Variants in PLCL1 observed in about 807,000 individuals in gnomAD.
PLCL1 encodes inactive phospholipase C-like protein 1.
A neutral mutation model predicts 84.4 loss-of-function variants in PLCL1; 41 were observed. The ratio of observed to expected loss-of-function variants is 0.49; its 90% CI spans 0.38 to 0.63. The LOEUF (loss-of-function observed/expected upper bound fraction) is 0.63, where lower values mean the gene tolerates loss of function less well. PLCL1 is among the 30% of genes least tolerant of loss of function. The pLI is 0.00. For missense variants in PLCL1, 1,206 were observed against 1,367.8 expected (o/e 0.88, Z 1.87); for synonymous variants, 490 against 488.3 (o/e 1.00, Z -0.05).
chr2:198,049,138 G>A (rs1344620579), intron 1 of PLCL1, among the ~76,000 whole-genome samples: 1 of 152,174 alleles, frequency 6.6e-6, no homozygotes, highest in Non-Finnish European at 1.5e-5. Flanking sequence ...ATGAATCATA[G>A]GGAGACCAAG....
At chr2:198,108,593 A>G (rs943765612) in intron 5 of PLCL1, among the ~76,000 whole-genome samples, 2 of 151,890 alleles carry the variant, frequency 1.3e-5, no homozygotes, top group South Asian at 4.1e-4. Flanking sequence ...CATTTATCTG[A>G]TATTAAAAGC....
chr2:197,866,047 ATATATACACACACACACACAC>A lies in PLCL1; in HGVS notation c.240+60715_240+60735del, dbSNP rs1293529787. On this transcript the variant is annotated intron_variant, in intron 1 of 5. Coordinates refer to ENST00000428675, the MANE Select transcript of PLCL1 (RefSeq NM_006226.4). ...AAAAAAAAAAAAAAAATATATATAT[ATATATACACACACACACACAC>A]TATATATATATATATATATAAACTA... 5.8e-4 allele frequency among the ~76,000 whole-genome samples: 61 copies of A among 106,054 alleles called. 12 individuals are homozygous for A. The highest frequency in any genetic ancestry group is 7.6e-4 in the Non-Finnish European group (42 of 55,308). The allele number at this position is 106,054 out of a possible 152,430, so 69.6% of individuals were successfully genotyped here.
At chr2:197,956,469 A>T (rs1689496061) in intron 1 of PLCL1, among the ~76,000 whole-genome samples, 1 of 152,076 alleles carries the variant, frequency 6.6e-6, no homozygotes, top group African/African-American at 2.4e-5. Context: ...TGGTATTTCT[A>T]GTTCTAGATC....
At chr2:198,078,209 A>G (rs1023166707) in intron 1 of PLCL1, among the ~76,000 whole-genome samples, 1 of 152,202 alleles carries the variant, frequency 6.6e-6, no homozygotes, top group African/African-American at 2.4e-5. Flanking sequence ...CAAACTCTGT[A>G]ATGTGCTAGA....
chr2:197,992,043 ATT>A (rs112631242), intron 1 of PLCL1, among the ~76,000 whole-genome samples: 4,052 of 142,092 alleles, frequency 0.029, 191 homozygotes, highest in African/African-American at 0.097. Context: ...CTCAGCATTC[ATT>A]TTTTTTTTTT....
intron 1 of PLCL1, among the ~76,000 whole-genome samples, chr2:197,919,431 C>A (rs1688664534): frequency 6.6e-6 from 1 of 152,154 alleles, no homozygotes; most frequent in East Asian, 1.9e-4. Context: ...TTTAACATAA[C>A]TAAAAAAATC....
At chr2:198,080,808 T>C (rs927257762) in intron 1 of PLCL1, among the ~76,000 whole-genome samples, 2 of 152,226 alleles carry the variant, frequency 1.3e-5, no homozygotes, top group African/African-American at 4.8e-5. Flanking sequence ...AAGAATCATG[T>C]CTTTTTACTG....
rs913980273 is a variant in PLCL1, at chr2:198,043,740, G to A, written c.241-40018G>A. ...ATTGTCCAGAGAACAGGTTTGGTTG[G>A]GGGAGGTGGCAGAGAAGGGGATGGT... On this transcript the variant is annotated intron_variant, in intron 1 of 5. Coordinates refer to ENST00000428675, the MANE Select transcript of PLCL1 (RefSeq NM_006226.4). Among the ~76,000 whole-genome samples the A allele has an allele frequency of 2.6e-5, 4 of 152,088 alleles. No homozygotes were observed. In the East Asian group the frequency reaches 7.7e-4, roughly 29 times the overall value.
chr2:198,041,353 C>A (rs929164994), intron 1 of PLCL1, among the ~76,000 whole-genome samples: 3 of 151,962 alleles, frequency 2.0e-5, no homozygotes, highest in African/African-American at 7.3e-5. Context: ...ATATTTTGAC[C>A]GAAATAAGTA....
intron 1 of PLCL1, among the ~76,000 whole-genome samples, chr2:198,051,910 T>C (rs958215928): frequency 4.6e-5 from 7 of 151,082 alleles, no homozygotes; most frequent in African/African-American, 1.7e-4. Context: ...TTATCATTAT[T>C]ATTATTATTA....
At chr2:197,928,184 G>A (rs1688868970) in intron 1 of PLCL1, among the ~76,000 whole-genome samples, 1 of 152,118 alleles carries the variant, frequency 6.6e-6, no homozygotes, top group Non-Finnish European at 1.5e-5. Context: ...TTAGTCATGA[G>A]TAAGCATCCA....
chr2:198,038,694 T>C (rs1203218962), intron 1 of PLCL1, among the ~76,000 whole-genome samples: 1 of 152,084 alleles, frequency 6.6e-6, no homozygotes, highest in Non-Finnish European at 1.5e-5. Context: ...TTTTGAAATG[T>C]AGAATACAAC....
intron 1 of PLCL1, among the ~76,000 whole-genome samples, chr2:197,964,794 A>G (rs1040397370): frequency 1.3e-5 from 2 of 152,118 alleles, no homozygotes; most frequent in African/African-American, 2.4e-5. Context: ...TTTATCATGA[A>G]GGGATATTGG....
intron 1 of PLCL1, among the ~76,000 whole-genome samples, chr2:198,004,116 G>A (rs1261648871): frequency 6.6e-6 from 1 of 151,582 alleles, no homozygotes; most frequent in Admixed American, 6.6e-5. Context: ...CATTATTTAA[G>A]GATTCAATGT....
chr2:198,092,167 A>G (rs1384211170), intron 3 of PLCL1, among the ~76,000 whole-genome samples: 3 of 147,842 alleles, frequency 2.0e-5, no homozygotes, highest in African/African-American at 7.5e-5. Flanking sequence ...CCCCAGCCCC[A>G]TTTGCCTCTC....
chr2:198,014,165 G>T (rs946991386), intron 1 of PLCL1, among the ~76,000 whole-genome samples: 1 of 152,088 alleles, frequency 6.6e-6, no homozygotes, highest in African/African-American at 2.4e-5. Flanking sequence ...ACAAGGAACT[G>T]GTGTGCTACA....
intron 1 of PLCL1, among the ~76,000 whole-genome samples, chr2:197,920,987 A>ACG (rs1688690079): frequency 1.3e-5 from 2 of 152,224 alleles, no homozygotes; most frequent in Non-Finnish European, 2.9e-5. Flanking sequence ...CGATTTTGTC[A>ACG]TCATACAAAC....
intron 4 of PLCL1, among the ~76,000 whole-genome samples, chr2:198,102,245 C>T (rs953553473): frequency 2.0e-5 from 3 of 152,024 alleles, no homozygotes; most frequent in Non-Finnish European, 1.5e-5. Flanking sequence ...CCAGGCACTG[C>T]TCTGAGATCT....
At chr2:197,889,273 T>G (rs1687972391) in intron 1 of PLCL1, among the ~76,000 whole-genome samples, 1 of 152,146 alleles carries the variant, frequency 6.6e-6, no homozygotes, top group Non-Finnish European at 1.5e-5. Flanking sequence ...TCCTATGTCA[T>G]TTGGATGCAT....
Sources: allele counts gnomAD v4.1 joint callset (sites outside exome capture counted in the v4.1 genomes callset), GRCh38; gene constraint gnomAD v4.1.1; transcripts MANE v1.5; gene names NCBI Gene and HGNC (gene_info 2026-07-23, HGNC 2026-07-21).